GABBR2: variants seen among roughly 807,000 people sequenced by gnomAD.
GABBR2 encodes gamma-aminobutyric acid type B receptor subunit 2.
Under a neutral mutation model 105.6 loss-of-function variants are expected in GABBR2, and 23 were observed. The observed-to-expected ratio is 0.22, with a 90% CI of 0.16 to 0.31. The LOEUF is 0.31. GABBR2 is among the 10% of genes least tolerant of loss of function. The probability of loss-of-function intolerance (pLI) is 1.00; values close to 1 mark genes in which losing one functional copy is unlikely to be tolerated. For missense variants in GABBR2, 734 were observed against 1,245.5 expected, an observed-to-expected ratio of 0.59 and a Z score of 6.18; for synonymous variants, 478 against 499.7, an observed-to-expected ratio of 0.96 and a Z score of 0.58.
At chr9:98,364,601 A>ATTTTTGTT (rs1831643467) in intron 12 of GABBR2, among the ~76,000 whole-genome samples, 1 of 135,188 alleles carries the variant, frequency 7.4e-6, no homozygotes, top group African/African-American at 2.9e-5. Context: ...GAGGAAGTGG[A>ATTTTTGTT]TTTTTTTTTT....
chr9:98,542,499 G>T (rs1198307200), intron 2 of GABBR2, among the ~76,000 whole-genome samples: 1 of 152,012 alleles, frequency 6.6e-6, no homozygotes, highest in African/African-American at 2.4e-5. Context: ...TCTAATTTGG[G>T]GTTATTTCGA....
At chr9:98,568,469 C>T (rs897178017) in intron 2 of GABBR2, among the ~76,000 whole-genome samples, 10 of 152,284 alleles carry the variant, frequency 6.6e-5, no homozygotes, top group East Asian at 5.8e-4. Context: ...AAGGAGAGGA[C>T]GGGCCTGCAG....
At chr9:98,347,950 C>A (rs192833961) in intron 13 of GABBR2, among the ~76,000 whole-genome samples, 1 of 152,200 alleles carries the variant, frequency 6.6e-6, no homozygotes, top group Non-Finnish European at 1.5e-5. Flanking sequence ...AGTCCCCCTG[C>A]GCAAGCTCTC....
chr9:98,407,076 C>A (rs1482455379), intron 7 of GABBR2, among the ~76,000 whole-genome samples: 1 of 152,202 alleles, frequency 6.6e-6, no homozygotes, highest in East Asian at 1.9e-4. Context: ...ATTTTAATGT[C>A]CATGCTACTT....
At chr9:98,474,201 C>T (rs1826743687) in intron 5 of GABBR2, among the ~76,000 whole-genome samples, 1 of 152,150 alleles carries the variant, frequency 6.6e-6, no homozygotes, top group Admixed American at 6.5e-5. Context: ...CAAGGTCAAA[C>T]AGTCAGGGAG....
At chr9:98,639,217 G>C (rs1380798528) in intron 1 of GABBR2, among the ~76,000 whole-genome samples, 1 of 152,190 alleles carries the variant, frequency 6.6e-6, no homozygotes, top group African/African-American at 2.4e-5. Flanking sequence ...CATTGAAGGA[G>C]ATGCTGGGAG....
In GABBR2 at chr9:98,374,709, T is replaced by G. The variant is rs370309333; in HGVS notation, c.1663-3138A>C. The stretch of plus-strand genomic sequence containing the variant: ...GGTCGCTACTCATTGCTGGGGGACT[T>G]AAGCGTGTCCTGTGCTCCTCCGCTG... On this transcript the variant is annotated intron_variant, in intron 11 of 18. Transcript: ENST00000259455. Among the ~76,000 whole-genome samples, 16 of 152,296 alleles carry G rather than the reference T, an allele frequency of 1.1e-4. No homozygotes were observed. The East Asian group carries it at 3.1e-3, about 29-fold the overall frequency.
At chr9:98,426,500 C>T (rs1030604546) in intron 7 of GABBR2, among the ~76,000 whole-genome samples, 1 of 152,314 alleles carries the variant, frequency 6.6e-6, no homozygotes, top group South Asian at 2.1e-4. Flanking sequence ...TGATGAGTCA[C>T]CAGTTGAGCC....
intron 2 of GABBR2, among the ~76,000 whole-genome samples, chr9:98,576,664 T>A (rs2808529): frequency 6.6e-6 from 1 of 152,184 alleles, no homozygotes; most frequent in Non-Finnish European, 1.5e-5. Context: ...AAGCATAGAG[T>A]GGATTTAAAA....
intron 1 of GABBR2, among the ~76,000 whole-genome samples, chr9:98,598,237 A>G (rs1413931640): frequency 6.6e-6 from 1 of 152,202 alleles, no homozygotes; most frequent in Non-Finnish European, 1.5e-5. Context: ...AGGAGGCCAG[A>G]GAGACATCTT....
chr9:98,324,499 C>T (rs1830884469), intron 13 of GABBR2, among the ~76,000 whole-genome samples: 1 of 37,878 alleles, frequency 2.6e-5, no homozygotes, highest in Admixed American at 3.0e-4. Context: ...AGCCGACACA[C>T]ACACACACAC....
chr9:98,305,868 A>G (rs1830543061), intron 15 of GABBR2, among the ~76,000 whole-genome samples: 1 of 152,196 alleles, frequency 6.6e-6, no homozygotes, highest in Admixed American at 6.5e-5. Context: ...GAAACACATC[A>G]AAAACATTAA....
chr9:98,615,092 C>T (rs1829561135), intron 1 of GABBR2, among the ~76,000 whole-genome samples: 1 of 152,342 alleles, frequency 6.6e-6, no homozygotes, highest in South Asian at 2.1e-4. Context: ...GGGACAACCT[C>T]AGGTCAGCCC....
chr9:98,340,717 C>T (rs1831197629), intron 13 of GABBR2, among the ~76,000 whole-genome samples: 1 of 152,124 alleles, frequency 6.6e-6, no homozygotes, highest in African/African-American at 2.4e-5. Flanking sequence ...TGAAGGAGCA[C>T]CCTGATGATG....
chr9:98,312,369 G>A (rs1830649168), intron 13 of GABBR2, among the ~76,000 whole-genome samples: 1 of 152,114 alleles, frequency 6.6e-6, no homozygotes, highest in Non-Finnish European at 1.5e-5. Flanking sequence ...CCTCAATTTG[G>A]ATTAGCCTGA....
Position 98,563,737 on chromosome 9 carries a change from A to G in GABBR2, c.459+14198T>C, listed in dbSNP as rs193054337. ...TTATGAATGTCTAGATCGTTATCTA[A>G]CCTAGGATTGTTTTTCTCAAGTTGA... On this transcript the variant is annotated intron_variant, in intron 2 of 18. Transcript: ENST00000259455. Among the ~76,000 whole-genome samples the G allele has an allele frequency of 1.4e-3, 210 of 152,342 alleles. 1 individual carries two copies. Among genetic ancestry groups the G allele is most frequent in the Non-Finnish European group, 2.2e-4 (15 of 68,036 alleles).
intron 13 of GABBR2, among the ~76,000 whole-genome samples, chr9:98,318,820 T>C (rs949937420): frequency 6.6e-6 from 1 of 152,156 alleles, no homozygotes; most frequent in Non-Finnish European, 1.5e-5. Flanking sequence ...AAAGTTGATT[T>C]TTAAAGTATA....
At chr9:98,687,237 C>A (rs183093733) in intron 1 of GABBR2, among the ~76,000 whole-genome samples, 1 of 151,644 alleles carries the variant, frequency 6.6e-6, no homozygotes, top group East Asian at 2.0e-4. Context: ...AGCCAAGGGG[C>A]AGGGTGGGAG....
rs148160198 is a variant in GABBR2, at chr9:98,467,061, A to G, written c.999+6085T>C. ...TATCCCCCTTTAATAGAGCCTTTCT[A>G]GAAGTCCCACATAACACTTCTACTT... On this transcript the variant is annotated intron_variant, in intron 6 of 18. Coordinates refer to ENST00000259455, the MANE Select transcript of GABBR2 (RefSeq NM_005458.8). Among the ~76,000 whole-genome samples, 396 of 152,346 alleles carry G rather than the reference A, an allele frequency of 2.6e-3. 4 individuals carry two copies. The highest frequency in any genetic ancestry group is 9.0e-3 in the African/African-American group (375 of 41,578).
Sources: gnomAD v4.1 joint callset for allele counts (sites outside exome capture counted in the v4.1 genomes callset) on GRCh38, gnomAD v4.1.1 for gene constraint, MANE v1.5 for transcripts, NCBI Gene and HGNC (gene_info 2026-07-23, HGNC 2026-07-21) for gene names.